The following TSPEAR variants were observed in gnomAD, a reference collection of about 807,000 sequenced individuals.
The protein encoded by TSPEAR is thrombospondin-type laminin G domain and EAR repeat-containing protein.
In TSPEAR, 69 loss-of-function variants were observed where a neutral mutation model predicts 71.6. That is an observed-to-expected ratio of 0.96 (90% CI 0.79 to 1.18). The LOEUF is 1.18. Among genes scored for constraint, TSPEAR ranks in the 50% most tolerant of loss-of-function variants. The probability of loss-of-function intolerance (pLI) is 0.00; values close to 1 mark genes in which losing one functional copy is unlikely to be tolerated. For missense variants in TSPEAR, 971 were observed against 894.9 expected (o/e 1.09, Z -1.09); for synonymous variants, 402 against 387.2 (o/e 1.04, Z -0.45).
At position 44,600,775 on chromosome 21, in the gene TSPEAR, T is replaced by C. The variant is rs782059476; in HGVS notation, c.83-32770A>G. On this transcript the variant is annotated intron_variant, in intron 1 of 11. Transcript: ENST00000323084. Reference sequence around the variant, plus strand: ...GCCCCCCTGCTGCGCCCCGGCCCCCTGCCTGAGCCTGGTCTGCACCCCAGT... The same window carrying C: ...GCCCCCCTGCTGCGCCCCGGCCCCCCGCCTGAGCCTGGTCTGCACCCCAGT... 11 of 1,599,650 alleles carry C rather than the reference T, an allele frequency of 6.9e-6. 1 individual carries two copies. In the African/African-American group the frequency reaches 8.5e-5, roughly 12 times the overall value.
rs587664780 is a variant in TSPEAR, at chr21:44,676,713, C to T, written c.82+34720G>A. 2.2e-5 allele frequency: 17 copies of T among 775,682 alleles called. 1 individual carries two copies. Among genetic ancestry groups the T allele is most frequent in the South Asian group, 2.1e-4 (16 of 74,454 alleles). 48.0% of individuals were successfully genotyped at this position (775,682 alleles called of 1,614,324 possible). A position where few individuals can be genotyped will look rare whatever the true frequency, so the allele number is the denominator to read the frequency against. ...AGTGAAGCTAGGTTCTCATTTCATT[C>T]TCCATGGCATCTCTGACTTCCTCTA... On this transcript the variant is annotated intron_variant, in intron 1 of 11. Coordinates refer to ENST00000323084, the MANE Select transcript of TSPEAR (RefSeq NM_144991.3).
intron 1 of TSPEAR, chr21:44,627,770 C>G: frequency 6.2e-7 from 1 of 1,600,090 alleles, no homozygotes; most frequent in Non-Finnish European, 8.5e-7. Context: ...TGCTGTGTGC[C>G]TGTCTGCTCT....
intron 1 of TSPEAR, chr21:44,677,860 C>G (rs1393760012): frequency 1.5e-6 from 2 of 1,338,626 alleles, no homozygotes; most frequent in East Asian, 4.6e-5. Flanking sequence ...ATGGTTTTCT[C>G]TACTCTTTCT....
chr21:44,502,447 A>G (rs2052051472), intron 11 of TSPEAR, among the ~76,000 whole-genome samples: 1 of 152,256 alleles, frequency 6.6e-6, no homozygotes, highest in African/African-American at 2.4e-5. Flanking sequence ...GGGCGAGAAA[A>G]TGATTGTCAT....
chr21:44,568,876 G>A (rs1315707747), intron 1 of TSPEAR, among the ~76,000 whole-genome samples: 2 of 152,200 alleles, frequency 1.3e-5, no homozygotes, highest in African/African-American at 4.8e-5. Context: ...GCATGAGGGT[G>A]TTGGGTCAGT....
At chr21:44,539,100 G>C (rs1461280705) in intron 2 of TSPEAR, 35 of 886,076 alleles carry the variant, frequency 3.9e-5, no homozygotes, top group Admixed American at 1.5e-4. Context: ...GCAGGCAGGT[G>C]GGCACCTGCT....
At chr21:44,607,136 G>A (rs1159390829) in intron 1 of TSPEAR, among the ~76,000 whole-genome samples, 1 of 152,172 alleles carries the variant, frequency 6.6e-6, no homozygotes, top group African/African-American at 2.4e-5. Context: ...AGACTGGAGT[G>A]CAGTGGCACA....
intron 1 of TSPEAR, chr21:44,702,251 T>A (rs1987684573): frequency 6.2e-7 from 1 of 1,604,394 alleles, no homozygotes; most frequent in Non-Finnish European, 8.5e-7. Context: ...TCCTGGCAGG[T>A]GGACGACTGC....
intron 1 of TSPEAR, among the ~76,000 whole-genome samples, chr21:44,640,615 C>T (rs1290068547): frequency 6.6e-6 from 1 of 152,212 alleles, no homozygotes; most frequent in Non-Finnish European, 1.5e-5. Flanking sequence ...AATGCCTCCA[C>T]CTCCCCTTCA....
chr21:44,551,389 C>T (rs2053432377), intron 2 of TSPEAR: 2 of 1,613,202 alleles, frequency 1.2e-6, no homozygotes, highest in Admixed American at 1.7e-5. Context: ...CAGCAGCTCT[C>T]TGGGCAGTCG....
At chr21:44,605,341 A>G (rs1291422268) in intron 1 of TSPEAR, among the ~76,000 whole-genome samples, 1 of 152,232 alleles carries the variant, frequency 6.6e-6, no homozygotes, top group Non-Finnish European at 1.5e-5. Context: ...ATATTCACGG[A>G]TTACAAGAAT....
intron 1 of TSPEAR, among the ~76,000 whole-genome samples, chr21:44,684,239 CTG>C (rs1986752940): frequency 6.6e-6 from 1 of 152,190 alleles, no homozygotes; most frequent in Non-Finnish European, 1.5e-5. Flanking sequence ...TGCTTAAAGA[CTG>C]AGACTGAGGC....
rs782139106 is a variant in TSPEAR, at chr21:44,525,871, C to T, written c.1150-32G>A. On this transcript the variant is annotated intron_variant, in intron 7 of 11. Coordinates refer to ENST00000323084, the MANE Select transcript of TSPEAR (RefSeq NM_144991.3). ...GAGAGTAAACCGGGACCACGTGGTT[C>T]TGCTTGGGTCGGTGCCAGCGGCCTG... The T allele has an allele frequency of 6.2e-6, 10 of 1,609,600 alleles. No individual in the cohort carries two copies. In the African/African-American group the frequency reaches 8.0e-5, roughly 13 times the overall value.
At chr21:44,669,740 C>A (rs1312511967) in intron 1 of TSPEAR, among the ~76,000 whole-genome samples, 1 of 152,208 alleles carries the variant, frequency 6.6e-6, no homozygotes, top group Non-Finnish European at 1.5e-5. Flanking sequence ...AGGTGGCGTG[C>A]CTTGTTGGGA....
At chr21:44,646,261 C>G (rs1555939648) in intron 1 of TSPEAR, among the ~76,000 whole-genome samples, 1 of 151,298 alleles carries the variant, frequency 6.6e-6, no homozygotes, top group Non-Finnish European at 1.5e-5. Flanking sequence ...AGAGATAAAC[C>G]AGCATGAATG....
chr21:44,641,286 C>T (rs1984006089), intron 1 of TSPEAR, among the ~76,000 whole-genome samples: 1 of 152,070 alleles, frequency 6.6e-6, no homozygotes, highest in Admixed American at 6.5e-5. Flanking sequence ...GAACAGGGTG[C>T]TACCAAAAAG....
At chr21:44,571,211 T>C (rs1412679748) in intron 1 of TSPEAR, among the ~76,000 whole-genome samples, 3 of 152,248 alleles carry the variant, frequency 2.0e-5, no homozygotes, top group African/African-American at 4.8e-5. Flanking sequence ...TCCAGCAACA[T>C]GTAAAAAGGA....
intron 1 of TSPEAR, chr21:44,628,018 A>G (rs1982989903): frequency 6.2e-7 from 1 of 1,612,964 alleles, no homozygotes; most frequent in East Asian, 2.2e-5. Context: ...GGCCTGCTAC[A>G]GCTTCTCCTC....
intron 1 of TSPEAR, among the ~76,000 whole-genome samples, chr21:44,662,233 T>G (rs782775053): frequency 5.5e-4 from 83 of 152,206 alleles, no homozygotes; most frequent in Non-Finnish European, 9.7e-4. Flanking sequence ...CCAACTATAT[T>G]CTATCTACCA....
Sources: gnomAD v4.1 joint callset for allele counts (sites outside exome capture counted in the v4.1 genomes callset) on GRCh38, gnomAD v4.1.1 for gene constraint, MANE v1.5 for transcripts, NCBI Gene and HGNC (gene_info 2026-07-23, HGNC 2026-07-21) for gene names.